Variants in KCNQ3 observed in about 807,000 individuals in gnomAD.
KCNQ3 encodes potassium voltage-gated channel subfamily KQT member 3.
In KCNQ3, 30 loss-of-function variants were observed where a neutral mutation model predicts 92.5. That is an observed-to-expected ratio of 0.32 (90% CI 0.24 to 0.44). The LOEUF is 0.44. Among genes scored for constraint, KCNQ3 ranks in the 20% least tolerant of loss-of-function variants. The pLI is 1.00. For synonymous variants in KCNQ3, 450 were observed against 468.8 expected, an observed-to-expected ratio of 0.96 and a Z score of 0.52; for missense variants, 913 against 1,140.3, an observed-to-expected ratio of 0.80 and a Z score of 2.87.
chr8:132,407,610 G>A (rs556250139), intron 1 of KCNQ3, among the ~76,000 whole-genome samples: 2 of 152,096 alleles, frequency 1.3e-5, no homozygotes, highest in African/African-American at 4.8e-5. Flanking sequence ...CCTTCTCCCT[G>A]GGACACCCTT....
intron 8 of KCNQ3, among the ~76,000 whole-genome samples, 180 bp downstream of exon 8, chr8:132,170,154 T>G (rs1253566125): frequency 6.6e-6 from 1 of 152,108 alleles, no homozygotes; most frequent in African/African-American, 2.4e-5. Flanking sequence ...ATTATGGGTG[T>G]GAGCCACCGC....
At chr8:132,367,940 A>G (rs1003535181) in intron 1 of KCNQ3, among the ~76,000 whole-genome samples, 2 of 152,130 alleles carry the variant, frequency 1.3e-5, no homozygotes, top group East Asian at 3.9e-4. Flanking sequence ...ACTGACAAAT[A>G]TTTTGACATT....
At chr8:132,188,551 C>T (rs1827068209) in intron 1 of KCNQ3, among the ~76,000 whole-genome samples, 1 of 152,214 alleles carries the variant, frequency 6.6e-6, no homozygotes, top group East Asian at 1.9e-4. Flanking sequence ...TGTCCATATC[C>T]TCCATTATTC....
intron 9 of KCNQ3, among the ~76,000 whole-genome samples, chr8:132,154,452 C>T (rs568420805): frequency 2.6e-5 from 4 of 152,158 alleles, no homozygotes; most frequent in African/African-American, 7.2e-5. Flanking sequence ...ATTTGACTGC[C>T]GTTTTCCCAA....
intron 1 of KCNQ3, among the ~76,000 whole-genome samples, chr8:132,249,395 C>A (rs1048339354): frequency 6.6e-6 from 1 of 152,174 alleles, no homozygotes; most frequent in Non-Finnish European, 1.5e-5. Context: ...CACAAAAGTT[C>A]TCTAAGTCCC....
intron 9 of KCNQ3, among the ~76,000 whole-genome samples, chr8:132,160,763 A>G: frequency 6.6e-6 from 1 of 152,076 alleles, no homozygotes; most frequent in African/African-American, 2.4e-5. Context: ...AATGAGTGGG[A>G]GGTTGGCTTT....
chr8:132,228,545 A>G (rs1315032256), intron 1 of KCNQ3, among the ~76,000 whole-genome samples: 4 of 152,216 alleles, frequency 2.6e-5, no homozygotes, highest in African/African-American at 9.7e-5. Flanking sequence ...ACACGGAAAT[A>G]CTTAGAAAAA....
At position 132,151,917 on chromosome 8, in the gene KCNQ3, T is replaced by A. The variant is rs146228052; in HGVS notation, c.1263-10586A>T. Among the ~76,000 whole-genome samples the A allele has an allele frequency of 7.7e-4, 118 of 152,350 alleles. 1 individual carries two copies. Among genetic ancestry groups the A allele is most frequent in the Admixed American group, 3.7e-3 (56 of 15,310 alleles). ...TATATTTTGGTGAATAACATCAATA[T>A]ATGTTCCAGAATTGTATGGGATTTC... On this transcript the variant is annotated intron_variant, in intron 9 of 14. Coordinates refer to ENST00000388996, the MANE Select transcript of KCNQ3 (RefSeq NM_004519.4).
At chr8:132,190,438 A>G (rs576381260) in intron 1 of KCNQ3, among the ~76,000 whole-genome samples, 2 of 152,222 alleles carry the variant, frequency 1.3e-5, no homozygotes, top group East Asian at 3.9e-4. Context: ...CTGCCATTGC[A>G]TTCTGGAGCT....
chr8:132,324,995 T>G (rs866130577), intron 1 of KCNQ3, among the ~76,000 whole-genome samples: 2 of 152,126 alleles, frequency 1.3e-5, no homozygotes, highest in Non-Finnish European at 1.5e-5. Context: ...GTTTTTTTTT[T>G]TTTTCTTTTT....
At chr8:132,191,017 C>A (rs983551492) in intron 1 of KCNQ3, among the ~76,000 whole-genome samples, 2 of 152,174 alleles carry the variant, frequency 1.3e-5, no homozygotes, top group Non-Finnish European at 2.9e-5. Context: ...TGAATACAAA[C>A]AATTTCAGCG....
Position 132,303,438 on chromosome 8 carries a change from T to C in KCNQ3, c.387-117257A>G, listed in dbSNP as rs528064465. 1.0e-4 allele frequency among the ~76,000 whole-genome samples: 15 copies of C among 150,236 alleles called. No individual in the cohort carries two copies. In the South Asian group the frequency reaches 3.2e-3, roughly 32 times the overall value. ...GACATTCACAACTATGGTTGGGTAT[T>C]ATGGAGGCTTCATGGAGAAAGGGAG... is the stretch of plus-strand genomic sequence containing the variant. On this transcript the variant is annotated intron_variant, in intron 1 of 14. Transcript: ENST00000388996.
intron 8 of KCNQ3, among the ~76,000 whole-genome samples, chr8:132,165,486 C>T (rs1389511170): frequency 6.6e-6 from 1 of 152,200 alleles, no homozygotes; most frequent in Non-Finnish European, 1.5e-5. Flanking sequence ...AATTCGGAGG[C>T]TTCCTTTCCC....
At chr8:132,447,397 A>C in intron 1 of KCNQ3, 1 of 701,406 alleles carries the variant, frequency 1.4e-6, no homozygotes, top group South Asian at 1.7e-5. Flanking sequence ...ACACTGCAAG[A>C]AAGAAGAAAA....
At chr8:132,206,866 C>T (rs1366150546) in intron 1 of KCNQ3, among the ~76,000 whole-genome samples, 1 of 151,688 alleles carries the variant, frequency 6.6e-6, no homozygotes, top group Non-Finnish European at 1.5e-5. Context: ...CTTATTATTT[C>T]TTTCCTTCTA....
intron 1 of KCNQ3, among the ~76,000 whole-genome samples, chr8:132,369,310 G>A (rs866635380): frequency 1.3e-5 from 2 of 152,060 alleles, no homozygotes; most frequent in Middle Eastern, 3.2e-3. Flanking sequence ...AAGTCACAAC[G>A]TGCAGCTCAT....
At chr8:132,445,728 A>G (rs1354258609) in intron 1 of KCNQ3, among the ~76,000 whole-genome samples, 2 of 133,166 alleles carry the variant, frequency 1.5e-5, no homozygotes, top group African/African-American at 2.9e-5. Context: ...AGCTCTTACT[A>G]TGTGTCAGGC....
chr8:132,373,881 C>G (rs1013116923), intron 1 of KCNQ3, among the ~76,000 whole-genome samples: 2 of 152,122 alleles, frequency 1.3e-5, no homozygotes, highest in African/African-American at 4.8e-5. Context: ...TCCAGAGCCC[C>G]TGCAGGCCAC....
intron 1 of KCNQ3, among the ~76,000 whole-genome samples, chr8:132,301,406 C>T (rs112148576): frequency 4.6e-5 from 7 of 152,268 alleles, no homozygotes; most frequent in African/African-American, 1.7e-4. Context: ...CCTAGACACC[C>T]ACCTGGTCAA....
Sources: gnomAD v4.1 joint callset for allele counts (sites outside exome capture counted in the v4.1 genomes callset) on GRCh38, gnomAD v4.1.1 for gene constraint, MANE v1.5 for transcripts, NCBI Gene and HGNC (gene_info 2026-07-23, HGNC 2026-07-21) for gene names.